The following TSPAN5 variants were observed in gnomAD, a reference collection of about 807,000 sequenced individuals.
The protein encoded by TSPAN5 is tetraspanin-5.
Under a neutral mutation model 37.1 loss-of-function variants are expected in TSPAN5, and 10 were observed. The ratio of observed to expected loss-of-function variants is 0.27; its 90% CI spans 0.17 to 0.46. The LOEUF (loss-of-function observed/expected upper bound fraction) is 0.46, where lower values mean the gene tolerates loss of function less well. Among genes scored for constraint, TSPAN5 ranks in the 20% least tolerant of loss-of-function variants. The pLI, the probability that TSPAN5 is intolerant of heterozygous loss-of-function variation, is 1.00. For synonymous variants in TSPAN5, 110 were observed against 118.9 expected, an observed-to-expected ratio of 0.93 and a Z score of 0.48; for missense variants, 195 against 326.6, an observed-to-expected ratio of 0.60 and a Z score of 3.11.
intron 1 of TSPAN5, among the ~76,000 whole-genome samples, chr4:98,647,571 A>G (rs1327981273): frequency 6.6e-6 from 1 of 152,224 alleles, no homozygotes; most frequent in African/African-American, 2.4e-5. Flanking sequence ...AAAGAGCCCT[A>G]TGCCTTCTAA....
chr4:98,503,503 G>T (rs548149730), intron 2 of TSPAN5, among the ~76,000 whole-genome samples: 15 of 152,248 alleles, frequency 9.9e-5, no homozygotes, highest in African/African-American at 3.1e-4. Flanking sequence ...GACTTATTCT[G>T]TGGGATCCAA....
intron 7 of TSPAN5, among the ~76,000 whole-genome samples, chr4:98,475,631 TTAGAAAAAGA>T (rs1752673737): frequency 6.6e-6 from 1 of 152,208 alleles, no homozygotes; most frequent in African/African-American, 2.4e-5. Context: ...TGTCTCCATC[TTAGAAAAAGA>T]CAAGGTTTCC....
chr4:98,483,919 C>A (rs1752903612), intron 3 of TSPAN5: 2 of 157,096 alleles, frequency 1.3e-5, no homozygotes, highest in Non-Finnish European at 1.4e-5. Flanking sequence ...ACGCCCTGCC[C>A]TGTATTAGGC....
At chr4:98,510,349 A>G (rs983191460) in intron 1 of TSPAN5, among the ~76,000 whole-genome samples, 8 of 152,214 alleles carry the variant, frequency 5.3e-5, no homozygotes, top group Admixed American at 1.3e-4. Flanking sequence ...ATTACATGGT[A>G]CATGATCAGC....
intron 7 of TSPAN5, among the ~76,000 whole-genome samples, chr4:98,474,903 C>T (rs1459272289): frequency 1.3e-5 from 2 of 152,186 alleles, no homozygotes; most frequent in East Asian, 3.8e-4. Flanking sequence ...TGGTCTTGAA[C>T]TCCTGGGCTC....
At chr4:98,505,707 C>A (rs1177332696) in intron 2 of TSPAN5, among the ~76,000 whole-genome samples, 1 of 152,326 alleles carries the variant, frequency 6.6e-6, no homozygotes, top group Middle Eastern at 3.4e-3. Context: ...ACTCTGCATC[C>A]CTCATTGTCG....
intron 1 of TSPAN5, among the ~76,000 whole-genome samples, chr4:98,566,464 G>A (rs976678357): frequency 2.0e-5 from 3 of 152,156 alleles, no homozygotes; most frequent in African/African-American, 7.2e-5. Context: ...GATGTATGCT[G>A]ACAACCTCGA....
At chr4:98,541,860 C>T (rs1211418140) in intron 1 of TSPAN5, among the ~76,000 whole-genome samples, 1 of 152,016 alleles carries the variant, frequency 6.6e-6, no homozygotes, top group Non-Finnish European at 1.5e-5. Context: ...CCTCTAAAAG[C>T]CTAGACTCTA....
chr4:98,504,176 A>T (rs1416411364), intron 2 of TSPAN5, among the ~76,000 whole-genome samples: 2 of 152,196 alleles, frequency 1.3e-5, no homozygotes, highest in African/African-American at 4.8e-5. Flanking sequence ...CTTCCAGTGG[A>T]AATCTCATCC....
intron 1 of TSPAN5, among the ~76,000 whole-genome samples, chr4:98,542,609 C>T (rs1754382967): frequency 6.6e-6 from 1 of 151,280 alleles, no homozygotes; most frequent in Non-Finnish European, 1.5e-5. Flanking sequence ...GTCCTAGCTA[C>T]TCAGAAGACT....
chr4:98,645,046 G>A (rs1020685319), intron 1 of TSPAN5, among the ~76,000 whole-genome samples: 1 of 152,150 alleles, frequency 6.6e-6, no homozygotes, highest in African/African-American at 2.4e-5. Flanking sequence ...GCGATTCCCT[G>A]GTGACTTGGG....
At chr4:98,632,230 G>T (rs573042801) in intron 1 of TSPAN5, among the ~76,000 whole-genome samples, 1 of 152,276 alleles carries the variant, frequency 6.6e-6, no homozygotes, top group East Asian at 1.9e-4. Context: ...CAGGTGCACA[G>T]AGAGTGTTCT....
At chr4:98,551,553 G>A (rs200074260) in intron 1 of TSPAN5, among the ~76,000 whole-genome samples, 5 of 144,796 alleles carry the variant, frequency 3.5e-5, no homozygotes, top group East Asian at 4.2e-4. Flanking sequence ...GTGCAGTGGC[G>A]CGATCTTGGC....
chr4:98,647,335 G>A (rs1757089434), intron 1 of TSPAN5, among the ~76,000 whole-genome samples: 1 of 152,194 alleles, frequency 6.6e-6, no homozygotes, highest in Non-Finnish European at 1.5e-5. Flanking sequence ...AGGCTGCTTG[G>A]GGGGAAATAT....
intron 1 of TSPAN5, among the ~76,000 whole-genome samples, chr4:98,587,461 T>C (rs114315507): frequency 0.026 from 3,891 of 152,316 alleles, 98 homozygotes; most frequent in African/African-American, 0.065. Context: ...GGCTTTTTCT[T>C]AGCTCCATGA....
chr4:98,551,436 A>C (rs1192393855), intron 1 of TSPAN5, among the ~76,000 whole-genome samples: 3 of 141,486 alleles, frequency 2.1e-5, no homozygotes, highest in Non-Finnish European at 4.6e-5. Flanking sequence ...TTTTTGGAAT[A>C]GTTTCAGGAG....
In TSPAN5 at chr4:98,627,900, G is replaced by T. The variant is rs369549297; in HGVS notation, c.81+30246C>A. Among the ~76,000 whole-genome samples the T allele has an allele frequency of 1.6e-3, 248 of 152,314 alleles. 1 individual carries two copies. The highest frequency in any genetic ancestry group is 5.6e-3 in the African/African-American group (232 of 41,572). On this transcript the variant is annotated intron_variant, in intron 1 of 7. Coordinates refer to ENST00000305798, the MANE Select transcript of TSPAN5 (RefSeq NM_005723.4). ...AGAGGGAAAAAAACAACAGCACTAG[G>T]TTATAAAAGAACAGATTGACATAGA...
chr4:98,616,525 C>T (rs1756341458), intron 1 of TSPAN5, among the ~76,000 whole-genome samples: 1 of 152,090 alleles, frequency 6.6e-6, no homozygotes, highest in Admixed American at 6.5e-5. Context: ...ACAAAACCAG[C>T]CCAAGAGGCG....
At chr4:98,622,386 C>T (rs1428368894) in intron 1 of TSPAN5, among the ~76,000 whole-genome samples, 1 of 152,230 alleles carries the variant, frequency 6.6e-6, no homozygotes, top group Non-Finnish European at 1.5e-5. Flanking sequence ...CTCATGCACA[C>T]ATTTTATTTG....
Sources: gnomAD v4.1 joint callset for allele counts (sites outside exome capture counted in the v4.1 genomes callset) on GRCh38, gnomAD v4.1.1 for gene constraint, MANE v1.5 for transcripts, NCBI Gene and HGNC (gene_info 2026-07-23, HGNC 2026-07-21) for gene names.